Variants in TMEM45A observed in about 807,000 individuals in gnomAD.
TMEM45A encodes transmembrane protein 45A.
TMEM45A carries 25 observed loss-of-function variants against 32.0 expected under a neutral mutation model. That is an observed-to-expected ratio of 0.78 (90% CI 0.57 to 1.09). The LOEUF is 1.09. Among genes scored for constraint, TMEM45A ranks in the 50% least tolerant of loss-of-function variants. The pLI, the probability that TMEM45A is intolerant of heterozygous loss-of-function variation, is 0.00. For missense variants in TMEM45A, 302 were observed against 325.0 expected, an observed-to-expected ratio of 0.93 and a Z score of 0.54; for synonymous variants, 122 against 114.8, an observed-to-expected ratio of 1.06 and a Z score of -0.40.
rs774366128 is a variant in TMEM45A at position 100,556,773 on chromosome 3, G to A, written c.204G>A (p.Glu68=). Residue 68 remains glutamate, a synonymous_variant, in exon 3 of 6, where the codon GAG becomes GAA. Transcript: ENST00000323523. ...GTTTCTTGGCAGGCATGGCTGGGGA[G>A]CAGTTTATTCCTGGAGGGCCCCATC... ...VGMALTGMAG[E]QFIPGGPHLM... 6 of 1,613,136 alleles carry A rather than the reference G, an allele frequency of 3.7e-6. No homozygotes were observed. In the East Asian group the frequency reaches 1.3e-4, roughly 36 times the overall value.
At chr3:100,537,644 G>C (rs1200351343) in intron 1 of TMEM45A, among the ~76,000 whole-genome samples, 3 of 152,234 alleles carry the variant, frequency 2.0e-5, no homozygotes, top group Non-Finnish European at 4.4e-5. Context: ...ATGACAGGAA[G>C]AGGAGTAAAG....
intron 1 of TMEM45A, among the ~76,000 whole-genome samples, chr3:100,552,141 A>G (rs1706118886): frequency 6.6e-6 from 1 of 152,222 alleles, no homozygotes; most frequent in Non-Finnish European, 1.5e-5. Context: ...AGGTAATTCT[A>G]AATATTTAAA....
intron 1 of TMEM45A, among the ~76,000 whole-genome samples, chr3:100,518,739 A>G (rs1042592485): frequency 1.3e-5 from 2 of 152,140 alleles, no homozygotes; most frequent in African/African-American, 4.8e-5. Flanking sequence ...GTGTTCGTCT[A>G]TTCCCCTTGT....
intron 4 of TMEM45A, among the ~76,000 whole-genome samples, chr3:100,559,126 C>T (rs1461056817): frequency 6.6e-6 from 1 of 152,106 alleles, no homozygotes; most frequent in East Asian, 1.9e-4. Context: ...GACCCGAGGC[C>T]GCAGGCTTTT....
At position 100,492,765 on chromosome 3, in the gene TMEM45A, AC is replaced by A. The variant is rs1707865677; in HGVS notation, c.-164del. On this transcript the variant is annotated 5_prime_UTR_variant, in exon 1 of 6. Coordinates refer to ENST00000323523, the MANE Select transcript of TMEM45A (RefSeq NM_018004.3). ...CCCAAGTTTAAAAATTCCTCCCCCC[AC>A]CCAATGCGAGACGTGGCCAGATCCC... 1 of 92,650 alleles carries A rather than the reference AC, an allele frequency of 1.1e-5. No homozygotes were observed. The highest frequency in any genetic ancestry group is 2.3e-5 in the Non-Finnish European group (1 of 43,594). 5.7% of individuals were successfully genotyped at this position (92,650 alleles called of 1,614,324 possible).
chr3:100,561,269 A>T (rs1311514201), intron 4 of TMEM45A, among the ~76,000 whole-genome samples: 3 of 152,142 alleles, frequency 2.0e-5, no homozygotes, highest in African/African-American at 7.2e-5. Context: ...AGCTAACAAT[A>T]TTATGTCGTG....
At chr3:100,510,515 G>C (rs891754971) in intron 1 of TMEM45A, among the ~76,000 whole-genome samples, 48 of 152,166 alleles carry the variant, frequency 3.2e-4, no homozygotes, top group Non-Finnish European at 6.3e-4. Context: ...CACAAAGATG[G>C]GGAAAAAACA....
At position 100,537,892 on chromosome 3, in the gene TMEM45A, T is replaced by C. The variant is rs1233560981; in HGVS notation, c.-3-17317T>C. ...ACTTGTCAGGCCCACTGGGTGCCTG[T>C]GACTGCGCTGAACCAAAGAGAAACT... is the stretch of plus-strand genomic sequence containing the variant. On this transcript the variant is annotated intron_variant, in intron 1 of 5. Coordinates refer to ENST00000323523, the MANE Select transcript of TMEM45A (RefSeq NM_018004.3). 2.0e-5 allele frequency among the ~76,000 whole-genome samples: 3 copies of C among 152,362 alleles called. No individual in the cohort carries two copies. In the East Asian group the frequency reaches 5.8e-4, roughly 29 times the overall value.
At chr3:100,505,660 T>C (rs979274958) in intron 1 of TMEM45A, among the ~76,000 whole-genome samples, 1 of 152,236 alleles carries the variant, frequency 6.6e-6, no homozygotes, top group Non-Finnish European at 1.5e-5. Context: ...AAGTTCTGTT[T>C]CTGCCCAAGA....
chr3:100,505,319 G>A (rs909632806), intron 1 of TMEM45A, among the ~76,000 whole-genome samples: 1 of 152,168 alleles, frequency 6.6e-6, no homozygotes, highest in Non-Finnish European at 1.5e-5. Context: ...TAGTTTCTAG[G>A]AAACTGACTT....
chr3:100,519,728 T>A, intron 1 of TMEM45A: 1 of 1,034,276 alleles, frequency 9.7e-7, no homozygotes, highest in Non-Finnish European at 1.4e-6. Flanking sequence ...ATTGTGCAAG[T>A]AACTTATTGT....
At chr3:100,575,450 G>C (rs1706663998) in intron 5 of TMEM45A, among the ~76,000 whole-genome samples, 1 of 132,806 alleles carries the variant, frequency 7.5e-6, no homozygotes, top group African/African-American at 2.8e-5. Context: ...TCAGCTCACT[G>C]CAACCTCCAC....
chr3:100,572,189 T>G (rs1203653887), intron 5 of TMEM45A: 3 of 152,198 alleles, frequency 2.0e-5, no homozygotes, highest in South Asian at 2.1e-4. Context: ...ACTTCCACAA[T>G]GGTTGAACTA....
chr3:100,560,450 A>T (rs1706309941), intron 4 of TMEM45A, among the ~76,000 whole-genome samples: 1 of 151,928 alleles, frequency 6.6e-6, no homozygotes, highest in Non-Finnish European at 1.5e-5. Flanking sequence ...TTTGAATGTT[A>T]TTTCCATGTG....
At chr3:100,501,585 G>C (rs1192453850) in intron 1 of TMEM45A, among the ~76,000 whole-genome samples, 8 of 152,164 alleles carry the variant, frequency 5.3e-5, no homozygotes, top group Non-Finnish European at 8.8e-5. Context: ...CTTCTTCTTG[G>C]GATGTTTACA....
chr3:100,563,704 C>A (rs1327816253), intron 4 of TMEM45A, among the ~76,000 whole-genome samples: 1 of 152,128 alleles, frequency 6.6e-6, no homozygotes, highest in South Asian at 2.1e-4. Context: ...CTTGTTATTC[C>A]AAACAGTGAA....
At chr3:100,530,773 G>A (rs1385030923) in intron 1 of TMEM45A, among the ~76,000 whole-genome samples, 1 of 152,150 alleles carries the variant, frequency 6.6e-6, no homozygotes, top group Non-Finnish European at 1.5e-5. Context: ...CCCATACATT[G>A]CAATTACAGA....
At chr3:100,514,695 C>T (rs564895964) in intron 1 of TMEM45A, among the ~76,000 whole-genome samples, 1 of 152,016 alleles carries the variant, frequency 6.6e-6, no homozygotes, top group African/African-American at 2.4e-5. Flanking sequence ...AGGCAACCTA[C>T]AAAATGGGAG....
At position 100,519,540 on chromosome 3, in the gene TMEM45A, G is replaced by A. The variant is rs180902755; in HGVS notation, c.-4+26612G>A. 1.5e-4 allele frequency: 227 copies of A among 1,550,696 alleles called. 1 individual carries two copies. The Admixed American group carries it at 1.6e-3, about 11-fold the overall frequency. ...TTATCTCTTCTGCCACAGTTCTAAC[G>A]TGCCTGATCTACTGAGACCAAGGAT... is the stretch of plus-strand genomic sequence containing the variant. On this transcript the variant is annotated intron_variant, in intron 1 of 5. Transcript: ENST00000323523.
Sources: gnomAD v4.1 joint callset for allele counts (sites outside exome capture counted in the v4.1 genomes callset) on GRCh38, gnomAD v4.1.1 for gene constraint, MANE v1.5 for transcripts, NCBI Gene and HGNC (gene_info 2026-07-23, HGNC 2026-07-21) for gene names.